Variants in CTNNA2 observed in about 807,000 individuals in gnomAD.
CTNNA2 encodes the protein catenin alpha-2.
A neutral mutation model predicts 101.0 loss-of-function variants in CTNNA2; 42 were observed. The observed-to-expected ratio is 0.42, with a 90% confidence interval of 0.32 to 0.54. CTNNA2 has a LOEUF of 0.54. Ranked by LOEUF, CTNNA2 falls within the 20% of genes least tolerant of loss-of-function variation. CTNNA2 has a pLI of 0.14. For synonymous variants in CTNNA2, 450 were observed against 456.4 expected, an observed-to-expected ratio of 0.99 and a Z score of 0.18; for missense variants, 871 against 1,223.1, an observed-to-expected ratio of 0.71 and a Z score of 4.29.
chr2:80,395,533 T>C (rs1380411888), intron 8 of CTNNA2, among the ~76,000 whole-genome samples: 1 of 152,160 alleles, frequency 6.6e-6, no homozygotes, highest in Non-Finnish European at 1.5e-5. Flanking sequence ...GCTTCTCTGA[T>C]CTAAATTGAA....
At chr2:79,503,517 T>C (rs749384303) in intron 4 of CTNNA2, among the ~76,000 whole-genome samples, 1 of 152,164 alleles carries the variant, frequency 6.6e-6, no homozygotes, top group Non-Finnish European at 1.5e-5. Flanking sequence ...TACATACTTA[T>C]TGGCTTAGAA....
chr2:80,438,425 T>G (rs1559110662), intron 9 of CTNNA2, among the ~76,000 whole-genome samples: 1 of 151,846 alleles, frequency 6.6e-6, no homozygotes, highest in Admixed American at 6.6e-5. Context: ...TTGTTAGTTT[T>G]TTTGTTTTGT....
At chr2:80,101,648 C>T (rs921494520) in intron 7 of CTNNA2, among the ~76,000 whole-genome samples, 5 of 152,226 alleles carry the variant, frequency 3.3e-5, no homozygotes, top group South Asian at 2.1e-4. Flanking sequence ...GTGTTATCAG[C>T]GGGATGCTTG....
intron 1 of CTNNA2, among the ~76,000 whole-genome samples, chr2:79,561,111 A>C (rs549228639): frequency 1.3e-5 from 2 of 152,018 alleles, no homozygotes. Context: ...CTCTAGGCTT[A>C]CTGTCTGCAC....
Position 80,601,421 on chromosome 2 carries a change from C to CTTTTTTTTTTTTTTTTTTTTTTT in CTNNA2, c.2190-2638_2190-2637insTTTTTTTTTTTTTTTTTTTTTTT, listed in dbSNP as rs56921519. On this transcript the variant is annotated intron_variant, in intron 15 of 18. Coordinates refer to ENST00000402739, the MANE Select transcript of CTNNA2 (RefSeq NM_001282597.3). ...TAATGACTTTTTTCTTTCTTTCTTT[C>CTTTTTTTTTTTTTTTTTTTTTTT]TTTTTTTTTTTTTTTGATGAGTTCT... Among the ~76,000 whole-genome samples, 72 of 84,344 alleles carry CTTTTTTTTTTTTTTTTTTTTTTT rather than the reference C, an allele frequency of 8.5e-4. 1 individual carries two copies. Among genetic ancestry groups the CTTTTTTTTTTTTTTTTTTTTTTT allele is most frequent in the African/African-American group, 3.4e-3 (71 of 20,960 alleles). The allele number at this position is 84,344 out of a possible 152,430, so 55.3% of individuals were successfully genotyped here.
In CTNNA2 at chr2:79,725,848, T is replaced by C. The variant is rs1686805550; in HGVS notation, c.103-18539T>C. Among the ~76,000 whole-genome samples the C allele has an allele frequency of 2.0e-5, 3 of 152,308 alleles. No homozygotes were observed. The South Asian group carries it at 6.2e-4, about 32-fold the overall frequency. ...CTGCCTGCCTCCAGCATCTGTTCTATGAGTCCAGGAGGAAGTAATTGAAAC... is the reference window on the plus strand; with the variant it reads ...CTGCCTGCCTCCAGCATCTGTTCTACGAGTCCAGGAGGAAGTAATTGAAAC... On this transcript the variant is annotated intron_variant, in intron 2 of 18. Coordinates refer to ENST00000402739, the MANE Select transcript of CTNNA2 (RefSeq NM_001282597.3).
intron 17 of CTNNA2, 108 bp from the exon 18 acceptor site, chr2:80,618,977 T>TACCCATTC: frequency 1.6e-6 from 1 of 609,754 alleles, no homozygotes; most frequent in Non-Finnish European, 2.6e-6. Flanking sequence ...TTTTCCCAAT[T>TACCCATTC]ACCCATTCCC....
chr2:80,406,328 C>G (rs1449211447), intron 8 of CTNNA2, among the ~76,000 whole-genome samples: 3 of 145,956 alleles, frequency 2.1e-5, no homozygotes, highest in Admixed American at 6.6e-5. Flanking sequence ...GAGCAAAACT[C>G]CTTCTCGAAA....
chr2:80,618,123 T>C (rs922246820), intron 17 of CTNNA2, among the ~76,000 whole-genome samples: 1 of 151,880 alleles, frequency 6.6e-6, no homozygotes, highest in African/African-American at 2.4e-5. Context: ...AAAAATACTT[T>C]AGTGGTCTAC....
chr2:80,006,869 G>A (rs1295860943), intron 7 of CTNNA2, among the ~76,000 whole-genome samples: 1 of 152,052 alleles, frequency 6.6e-6, no homozygotes, highest in East Asian at 1.9e-4. Flanking sequence ...ATGCCAACCT[G>A]CCTCTTAGCA....
intron 7 of CTNNA2, among the ~76,000 whole-genome samples, chr2:80,080,036 G>T (rs1034794507): frequency 6.6e-6 from 1 of 152,086 alleles, no homozygotes. Context: ...ACGTCAATGG[G>T]CCTTTAGAAG....
At position 80,640,452 on chromosome 2, in the gene CTNNA2, A is replaced by C. The variant is rs576470515; in HGVS notation, c.2575-7133A>C. On this transcript the variant is annotated intron_variant, in intron 18 of 18. Coordinates refer to ENST00000402739, the MANE Select transcript of CTNNA2 (RefSeq NM_001282597.3). ...AGGAAATGTCTTTCTGTGAACATAT[A>C]AACATTCTGAGATAACTTAAGTGGG... is the stretch of plus-strand genomic sequence containing the variant. Among the ~76,000 whole-genome samples the C allele has an allele frequency of 9.5e-4, 144 of 152,298 alleles. 1 individual carries two copies. Among genetic ancestry groups the C allele is most frequent in the South Asian group, 1.9e-3 (9 of 4,824 alleles).
intron 7 of CTNNA2, among the ~76,000 whole-genome samples, chr2:79,965,250 G>A (rs1293438690): frequency 3.3e-5 from 5 of 152,128 alleles, no homozygotes; most frequent in Non-Finnish European, 7.4e-5. Context: ...ACCTTTTTCT[G>A]CCAGGCTGTG....
chr2:80,164,102 C>G (rs1162178017), intron 7 of CTNNA2, among the ~76,000 whole-genome samples: 1 of 151,536 alleles, frequency 6.6e-6, no homozygotes, highest in East Asian at 1.9e-4. Context: ...TGGATCCAGT[C>G]TTCTAATATA....
chr2:80,025,761 G>A (rs1035421186), intron 7 of CTNNA2, among the ~76,000 whole-genome samples: 2 of 152,176 alleles, frequency 1.3e-5, no homozygotes, highest in Non-Finnish European at 2.9e-5. Flanking sequence ...GTTGCAACAT[G>A]TATGGAGAGG....
chr2:80,426,671 A>T (rs1317927249), intron 9 of CTNNA2, among the ~76,000 whole-genome samples: 1 of 152,234 alleles, frequency 6.6e-6, no homozygotes, highest in Middle Eastern at 3.4e-3. Context: ...AACATTGTAA[A>T]GAAGCTTACG....
intron 7 of CTNNA2, among the ~76,000 whole-genome samples, chr2:80,383,143 G>A (rs565921460): frequency 1.3e-5 from 2 of 152,254 alleles, no homozygotes; most frequent in South Asian, 4.2e-4. Context: ...ATGCAGGGTT[G>A]CCTGGCAAGT....
chr2:79,657,993 A>C (rs758794992), intron 2 of CTNNA2, among the ~76,000 whole-genome samples: 8 of 151,904 alleles, frequency 5.3e-5, no homozygotes, highest in Non-Finnish European at 7.4e-5. Flanking sequence ...AGTAATATGA[A>C]AATGAGGTTA....
intron 12 of CTNNA2, among the ~76,000 whole-genome samples, chr2:80,557,852 A>G (rs1558584483): frequency 1.3e-5 from 2 of 152,100 alleles, no homozygotes; most frequent in Non-Finnish European, 1.5e-5. Flanking sequence ...TGATTTTTCT[A>G]CTTTTAAAAA....
Sources: gnomAD v4.1 joint callset for allele counts (sites outside exome capture counted in the v4.1 genomes callset) on GRCh38, gnomAD v4.1.1 for gene constraint, MANE v1.5 for transcripts, NCBI Gene and HGNC (gene_info 2026-07-23, HGNC 2026-07-21) for gene names.